Variants in ICE1 observed in about 807,000 individuals in gnomAD.
ICE1 encodes the protein little elongation complex subunit 1.
A neutral mutation model predicts 192.7 loss-of-function variants in ICE1; 64 were observed. That is an observed-to-expected ratio of 0.33 (90% CI 0.27 to 0.41). ICE1 has a LOEUF of 0.41. ICE1 is among the 10% of genes least tolerant of loss of function. The pLI is 1.00. For synonymous variants in ICE1, 1,010 were observed against 984.5 expected, an observed-to-expected ratio of 1.03 and a Z score of -0.49; for missense variants, 2,708 against 2,696.0, an observed-to-expected ratio of 1.00 and a Z score of -0.10.
In ICE1 at chr5:5,464,432, C is replaced by G. The variant is rs1487058638; in HGVS notation, c.5098C>G (p.Pro1700Ala). The G allele has an allele frequency of 6.2e-7, 1 of 1,613,818 alleles. No individual in the cohort carries two copies. The highest frequency in any genetic ancestry group is 8.5e-7 in the Non-Finnish European group (1 of 1,179,884). ...CTCTCCTCCAGATCCTTCTCCATCT[C>G]CATCTGCAGCTTCAGCCAGTGAGAG... ...RASPPDPSPS[P>A]SAASASERVV... Residue 1700 changes from proline to alanine, a missense_variant, in exon 13 of 19, where the codon CCA becomes GCA. Coordinates refer to ENST00000296564, the MANE Select transcript of ICE1 (RefSeq NM_015325.3). The surrounding 1 kb of genome is among the most constrained non-coding windows in gnomAD (Gnocchi z 4.0).
chr5:5,486,909 C>T lies in ICE1; in HGVS notation c.6619+90C>T. 5 of 824,248 alleles carry T rather than the reference C, an allele frequency of 6.1e-6. No homozygotes were observed. The South Asian group carries it at 8.8e-5, about 14-fold the overall frequency. 51.1% of individuals were successfully genotyped at this position (824,248 alleles called of 1,614,324 possible). A position where few individuals can be genotyped will look rare whatever the true frequency, so the allele number is the denominator to read the frequency against. On this transcript the variant is annotated intron_variant, in intron 18 of 18. Coordinates refer to ENST00000296564, the MANE Select transcript of ICE1 (RefSeq NM_015325.3). ...TGGGGTCCTTGCTGTGTGCTGTGCT[C>T]TGTGCTTTGCTTGCTGCCTCATAGA...
chr5:5,433,015 T>C (rs936629312), intron 1 of ICE1, among the ~76,000 whole-genome samples: 10 of 152,200 alleles, frequency 6.6e-5, no homozygotes, highest in Admixed American at 6.5e-4. Context: ...CATTTATTGA[T>C]TGAAGAATGT....
At chr5:5,453,054 C>T (rs1161549375) in intron 10 of ICE1, among the ~76,000 whole-genome samples, 2 of 152,046 alleles carry the variant, frequency 1.3e-5, no homozygotes, top group Non-Finnish European at 2.9e-5. Flanking sequence ...GTTACAAAGG[C>T]ATAGCTCTGG....
chr5:5,423,131 C>G (rs575459890), intron 1 of ICE1, 132 bp downstream of exon 1: 477 of 448,748 alleles, frequency 1.1e-3, no homozygotes, highest in Middle Eastern at 3.1e-3. Context: ...GTAGCTCTTG[C>G]TCGCTCGTCT....
chr5:5,422,708 T>G lies in ICE1; in HGVS notation c.-208T>G. The G allele has an allele frequency of 5.8e-6, 2 of 345,720 alleles. No individual in the cohort carries two copies. The highest frequency in any genetic ancestry group is 1.0e-5 in the Non-Finnish European group (2 of 193,360). The allele number at this position is 345,720 out of a possible 1,614,324, so 21.4% of individuals were successfully genotyped here. On this transcript the variant is annotated 5_prime_UTR_variant, in exon 1 of 19. Coordinates refer to ENST00000296564, the MANE Select transcript of ICE1 (RefSeq NM_015325.3). ...CGTCGCGCTCGGGGGCCGCGCCGGG[T>G]AGCGTTTCTTTTTAGTGCCTGAGGC...
In ICE1 at chr5:5,454,574, G is replaced by C; in HGVS notation, c.627G>C (p.Lys209Asn). Residue 209 changes from lysine to asparagine, a missense_variant, in exon 11 of 19, where the codon AAG becomes AAC. Physicochemically the swap from Lys to Asn is moderately conservative, Grantham distance 94 (BLOSUM62 0). This residue lies in a region of ICE1 where 2,366 missense variants were observed against 2,276.6 expected (regional missense o/e 1.04). Transcript: ENST00000296564. ...IDKRKVKLLLKELWLCVNTTH... is the reference protein window; with the variant it reads ...IDKRKVKLLLNELWLCVNTTH... Reference sequence around the variant, plus strand: ...CAGGAAAAGTGAAACTGCTTCTGAAGGAACTCTGGCTCTGTGTAAACACAA... The same window carrying C: ...CAGGAAAAGTGAAACTGCTTCTGAACGAACTCTGGCTCTGTGTAAACACAA... 6.2e-7 allele frequency: 1 copy of C among 1,613,440 alleles called. No individual in the cohort carries two copies. Among genetic ancestry groups the C allele is most frequent in the South Asian group, 1.1e-5 (1 of 90,974 alleles).
chr5:5,431,961 C>G (rs1458392220), intron 1 of ICE1, among the ~76,000 whole-genome samples: 1 of 151,358 alleles, frequency 6.6e-6, no homozygotes, highest in Non-Finnish European at 1.5e-5. Flanking sequence ...TTTCTCGTGT[C>G]TGGGTTTTTA....
chr5:5,447,645 C>G, intron 8 of ICE1, 76 bp from the exon 9 acceptor site: 1 of 1,424,422 alleles, frequency 7.0e-7, no homozygotes, highest in Non-Finnish European at 9.7e-7. Flanking sequence ...TGTTAAGTTG[C>G]ACCTGTTTTA....
chr5:5,473,704 C>T lies in ICE1; in HGVS notation c.6369C>T (p.Leu2123=). 1.2e-6 allele frequency: 2 copies of T among 1,611,138 alleles called. No homozygotes were observed. Among genetic ancestry groups the T allele is most frequent in the Non-Finnish European group, 1.7e-6 (2 of 1,179,170 alleles). Reference sequence around the variant, plus strand: ...AATACATATTTGCCATTGATCTGCTCTGCTGCCATCAGAAATGGATCTGGA... The same window carrying T: ...AATACATATTTGCCATTGATCTGCTTTGCTGCCATCAGAAATGGATCTGGA... ...TWEYIFAIDL[L]CCHQKWIWTH... is the part of the protein sequence containing the mutation. The change falls in exon 16 of 19, where the codon CTC becomes CTT. Residue 2123 remains leucine (L), a synonymous_variant. Coordinates refer to ENST00000296564, the MANE Select transcript of ICE1 (RefSeq NM_015325.3).
rs1049694901 is a variant in ICE1 at position 5,442,080 on chromosome 5, G to A, written c.309+857G>A. Among the ~76,000 whole-genome samples the A allele has an allele frequency of 2.0e-5, 3 of 152,280 alleles. No individual in the cohort carries two copies. In the East Asian group the frequency reaches 5.8e-4, roughly 29 times the overall value. ...AAGCTCTTCTTCTTTTCAAAGTCAAGTTGCAGTAAAACAGTTTGTTTAAAA... is the reference window on the plus strand; with the variant it reads ...AAGCTCTTCTTCTTTTCAAAGTCAAATTGCAGTAAAACAGTTTGTTTAAAA... On this transcript the variant is annotated intron_variant, in intron 5 of 18. Coordinates refer to ENST00000296564, the MANE Select transcript of ICE1 (RefSeq NM_015325.3).
chr5:5,450,563 A>C (rs950364546), intron 10 of ICE1, among the ~76,000 whole-genome samples: 3 of 152,182 alleles, frequency 2.0e-5, no homozygotes, highest in Non-Finnish European at 2.9e-5. Context: ...GAATATTCAT[A>C]TTCATAGGGG....
intron 1 of ICE1, among the ~76,000 whole-genome samples, chr5:5,430,069 C>T (rs1737654285): frequency 6.6e-6 from 1 of 152,172 alleles, no homozygotes; most frequent in South Asian, 2.1e-4. Context: ...AGCAGGGCTG[C>T]TAAGAGAAAG....
chr5:5,464,504 G>A lies in ICE1; in HGVS notation c.5170G>A (p.Ala1724Thr). The A allele has an allele frequency of 2.5e-6, 4 of 1,613,890 alleles. No homozygotes were observed. The highest frequency in any genetic ancestry group is 1.1e-5 in the South Asian group (1 of 91,076). The change falls in exon 13 of 19, where the codon GCA (alanine) becomes ACA (threonine). Residue 1724 changes from alanine to threonine, a missense_variant. Physicochemically the swap from Ala to Thr is moderately conservative, Grantham distance 58. Coordinates refer to ENST00000296564, the MANE Select transcript of ICE1 (RefSeq NM_015325.3). The surrounding 1 kb of genome is among the most constrained non-coding windows in gnomAD (Gnocchi z 4.0). ...GTTCTGTGCGGCCACGCCGAAGCAC[G>A]CACTTCCTGTGCCTGGCCGACTCCC... ...LQFCAATPKH[A>T]LPVPGRLPPC...
chr5:5,459,269 A>G (rs1738683392), intron 12 of ICE1, among the ~76,000 whole-genome samples: 1 of 152,240 alleles, frequency 6.6e-6, no homozygotes, highest in Non-Finnish European at 1.5e-5. Flanking sequence ...TCAAATGAGC[A>G]GCATTTGGTG....
intron 1 of ICE1, among the ~76,000 whole-genome samples, chr5:5,426,466 CT>C (rs1361982466): frequency 1.4e-5 from 2 of 147,662 alleles, no homozygotes; most frequent in Non-Finnish European, 3.0e-5. Flanking sequence ...AAAAAAAAAG[CT>C]TATTTGACAG....
rs548160956 is a variant in ICE1 at position 5,441,699 on chromosome 5, A to T, written c.309+476A>T. On this transcript the variant is annotated intron_variant, in intron 5 of 18. Transcript: ENST00000296564. Reference sequence around the variant, plus strand: ...CGTGTAGGGCTTCTGCTCTGGTATGAGTTAAGATGTCCTTTAAAGAACCTA... The same window carrying T: ...CGTGTAGGGCTTCTGCTCTGGTATGTGTTAAGATGTCCTTTAAAGAACCTA... Among the ~76,000 whole-genome samples the T allele has an allele frequency of 1.8e-4, 27 of 152,230 alleles. No individual in the cohort carries two copies. The South Asian group carries it at 5.4e-3, about 30-fold the overall frequency.
intron 1 of ICE1, among the ~76,000 whole-genome samples, chr5:5,431,713 C>G (rs1448882432): frequency 3.9e-5 from 6 of 152,098 alleles, no homozygotes; most frequent in Admixed American, 3.3e-4. Flanking sequence ...TTTGCTTTGT[C>G]TCCAGTGGTC....
intron 5 of ICE1, among the ~76,000 whole-genome samples, chr5:5,441,487 G>T (rs1169358921): frequency 6.6e-6 from 1 of 152,160 alleles, no homozygotes; most frequent in Middle Eastern, 3.2e-3. Context: ...ATGAATTTGT[G>T]TGGTTTTATG....
chr5:5,430,770 A>G (rs897787690), intron 1 of ICE1, among the ~76,000 whole-genome samples: 3 of 152,208 alleles, frequency 2.0e-5, no homozygotes, highest in African/African-American at 4.8e-5. Context: ...CAGTTAGATC[A>G]GTATTTGAAG....
Sources: gnomAD v4.1 joint callset for allele counts (sites outside exome capture counted in the v4.1 genomes callset) on GRCh38, gnomAD v4.1.1 for gene constraint, gnomAD v4.1.1 regional missense constraint, Gnocchi (gnomAD v3.1) non-coding constraint, MANE v1.5 for transcripts, NCBI Gene and HGNC (gene_info 2026-07-23, HGNC 2026-07-21) for gene names.